Variants in RAP1B observed in about 807,000 individuals in gnomAD.
RAP1B encodes RAP1B, member of RAS oncogene family.
In RAP1B, 1 loss-of-function variant was observed where a neutral mutation model predicts 27.5. The ratio of observed to expected loss-of-function variants is 0.04; its 90% CI spans 0.01 to 0.17. The LOEUF (loss-of-function observed/expected upper bound fraction) is 0.17, where lower values mean the gene tolerates loss of function less well. Ranked by LOEUF, RAP1B falls within the 10% of genes least tolerant of loss-of-function variation. The pLI is 1.00. For synonymous variants in RAP1B, 75 were observed against 73.1 expected, an observed-to-expected ratio of 1.03 and a Z score of -0.13; for missense variants, 84 against 214.8, an observed-to-expected ratio of 0.39 and a Z score of 3.81.
intron 4 of RAP1B, among the ~76,000 whole-genome samples, chr12:68,653,719 G>C (rs1295806598): frequency 6.6e-6 from 1 of 152,068 alleles, no homozygotes; most frequent in Non-Finnish European, 1.5e-5. Context: ...ACAAGGTCAG[G>C]AGATGGAGAT....
chr12:68,671,797 TAAA>T lies in RAP1B; in HGVS notation c.*12556_*12558del, dbSNP rs146322011. ...CAAGTAAATAACATTTTCTGGAATA[TAAA>T]AAAAAAAGCTATATGAATGTCATCA... On this transcript the variant is annotated 3_prime_UTR_variant, in exon 8 of 8. Coordinates refer to ENST00000250559, the MANE Select transcript of RAP1B (RefSeq NM_001010942.3). 6.9e-6 allele frequency: 1 copy of T among 145,906 alleles called. No homozygotes were observed. Among genetic ancestry groups the T allele is most frequent in the Admixed American group, 6.8e-5 (1 of 14,614 alleles). The allele number at this position is 145,906 out of a possible 1,614,324, so 9.0% of individuals were successfully genotyped here. A position where few individuals can be genotyped will look rare whatever the true frequency, so the allele number is the denominator to read the frequency against.
chr12:68,617,320 C>G (rs1871097507), intron 1 of RAP1B, among the ~76,000 whole-genome samples: 1 of 152,142 alleles, frequency 6.6e-6, no homozygotes, highest in Non-Finnish European at 1.5e-5. Flanking sequence ...TACATTGTGC[C>G]AACATATTTG....
intron 1 of RAP1B, among the ~76,000 whole-genome samples, chr12:68,612,832 T>C (rs905219617): frequency 6.6e-6 from 1 of 152,360 alleles, no homozygotes; most frequent in African/African-American, 2.4e-5. Flanking sequence ...TTTAGTCTTA[T>C]TTGAGCTCAT....
At chr12:68,626,026 G>GGA (rs1409724106) in intron 1 of RAP1B, among the ~76,000 whole-genome samples, 4 of 151,976 alleles carry the variant, frequency 2.6e-5, no homozygotes, top group African/African-American at 9.7e-5. Context: ...ATATTTTTCT[G>GGA]AGCCATTTGT....
intron 5 of RAP1B, among the ~76,000 whole-genome samples, chr12:68,654,895 C>T (rs941921502): frequency 1.3e-5 from 2 of 152,134 alleles, no homozygotes; most frequent in Admixed American, 6.5e-5. Flanking sequence ...CCTGTAGGAC[C>T]AGTTAAAACA....
At chr12:68,656,886 C>T (rs558383028) in intron 6 of RAP1B, among the ~76,000 whole-genome samples, 1 of 152,278 alleles carries the variant, frequency 6.6e-6, no homozygotes, top group South Asian at 2.1e-4. Context: ...ATCTCTGCAG[C>T]TCCTTCAACT....
intron 1 of RAP1B, among the ~76,000 whole-genome samples, chr12:68,633,869 C>CAA (rs552996293): frequency 2.9e-4 from 44 of 151,778 alleles, no homozygotes; most frequent in African/African-American, 9.9e-4. Flanking sequence ...GACTCTGTCT[C>CAA]AAAAAAACAA....
chr12:68,648,661 T>C (rs1441916248), intron 1 of RAP1B, 38 bp from the exon 2 acceptor site: 9 of 1,472,766 alleles, frequency 6.1e-6, no homozygotes, highest in Non-Finnish European at 8.4e-6. Context: ...AATACACAAC[T>C]TTACTTAGAA....
chr12:68,642,882 G>T lies in RAP1B; in HGVS notation c.-26-5817G>T, dbSNP rs1198156676. On this transcript the variant is annotated intron_variant, in intron 1 of 7. Coordinates refer to ENST00000250559, the MANE Select transcript of RAP1B (RefSeq NM_001010942.3). Reference sequence around the variant, plus strand: ...GGTAAAGCAGCCAACCTGGAGGTGAGGGTCTCATTCCAGGATTTCAGGAAA... The same window carrying T: ...GGTAAAGCAGCCAACCTGGAGGTGATGGTCTCATTCCAGGATTTCAGGAAA... 6.1e-6 allele frequency: 6 copies of T among 979,022 alleles called. No individual in the cohort carries two copies. In the Admixed American group the frequency reaches 8.4e-5, roughly 14 times the overall value. The allele number at this position is 979,022 out of a possible 1,614,324, so 60.6% of individuals were successfully genotyped here.
chr12:68,651,883 A>C (rs529216035), intron 3 of RAP1B, 112 bp from the exon 4 acceptor site: 1 of 755,274 alleles, frequency 1.3e-6, no homozygotes, highest in East Asian at 2.7e-5. Context: ...ATTAGTTTGT[A>C]AAGTTGTTAA....
chr12:68,644,808 C>A (rs1243281860), intron 1 of RAP1B, among the ~76,000 whole-genome samples: 2 of 150,556 alleles, frequency 1.3e-5, no homozygotes, highest in Non-Finnish European at 3.0e-5. Flanking sequence ...CCTGCCTCAG[C>A]CTTCCGAGTA....
At chr12:68,651,054 G>GA (rs1873781685) in intron 3 of RAP1B, among the ~76,000 whole-genome samples, 2 of 152,174 alleles carry the variant, frequency 1.3e-5, no homozygotes, top group Admixed American at 1.3e-4. Context: ...TCTTATGCAT[G>GA]ATACAAAGTT....
chr12:68,651,880 T>A (rs1485478231), intron 3 of RAP1B, 115 bp from the exon 4 acceptor site: 1 of 737,772 alleles, frequency 1.4e-6, no homozygotes, highest in South Asian at 1.9e-5. Context: ...GATATTAGTT[T>A]GTAAAGTTGT....
intron 1 of RAP1B, among the ~76,000 whole-genome samples, chr12:68,638,218 T>TTA (rs1003618259): frequency 6.6e-6 from 1 of 152,200 alleles, no homozygotes; most frequent in African/African-American, 2.4e-5. Context: ...TAACTTCTTT[T>TTA]TATATTTTAC....
rs1409918354 is a variant in RAP1B at position 68,661,484 on chromosome 12, G to A, written c.*2235G>A. Reference sequence around the variant, plus strand: ...GGCCTAAGGATGTAGCAGCAACCAAGATCAACTATAAAATGCTGCCCTCCT... The same window carrying A: ...GGCCTAAGGATGTAGCAGCAACCAAAATCAACTATAAAATGCTGCCCTCCT... On this transcript the variant is annotated 3_prime_UTR_variant, in exon 8 of 8. Coordinates refer to ENST00000250559, the MANE Select transcript of RAP1B (RefSeq NM_001010942.3). The A allele has an allele frequency of 6.6e-6, 1 of 152,096 alleles. No homozygotes were observed. The highest frequency in any genetic ancestry group is 1.5e-5 in the Non-Finnish European group (1 of 68,016). 9.4% of individuals were successfully genotyped at this position (152,096 alleles called of 1,614,324 possible).
rs1459195061 is a variant in RAP1B at position 68,659,764 on chromosome 12, G to A, written c.*515G>A. The A allele has an allele frequency of 3.3e-5, 5 of 152,192 alleles. No individual in the cohort carries two copies. The highest frequency in any genetic ancestry group is 5.9e-5 in the Non-Finnish European group (4 of 68,008). The allele number at this position is 152,192 out of a possible 1,614,324, so 9.4% of individuals were successfully genotyped here. On this transcript the variant is annotated 3_prime_UTR_variant, in exon 8 of 8. Transcript: ENST00000250559. The stretch of plus-strand genomic sequence containing the variant: ...GTCATTATTATTGTACAAAATAAGC[G>A]CTTTGATTAACACAGCTATATAGTT...
At chr12:68,628,567 G>A (rs942014251) in intron 1 of RAP1B, among the ~76,000 whole-genome samples, 1 of 152,176 alleles carries the variant, frequency 6.6e-6, no homozygotes, top group Non-Finnish European at 1.5e-5. Flanking sequence ...GGATATTTAT[G>A]TGAAGAAAAT....
intron 4 of RAP1B, 103 bp from the exon 5 acceptor site, chr12:68,654,009 T>G (rs1245792943): frequency 1.0e-6 from 1 of 957,354 alleles, no homozygotes; most frequent in Non-Finnish European, 1.6e-6. Context: ...AGTTACATAA[T>G]ACTACAGTAT....
At chr12:68,616,736 G>T (rs573568083) in intron 1 of RAP1B, among the ~76,000 whole-genome samples, 8 of 151,872 alleles carry the variant, frequency 5.3e-5, no homozygotes, top group Non-Finnish European at 1.0e-4. Flanking sequence ...GCCCGGCCAG[G>T]TTTTGTATTT....
Sources: allele counts gnomAD v4.1 joint callset (sites outside exome capture counted in the v4.1 genomes callset), GRCh38; gene constraint gnomAD v4.1.1; transcripts MANE v1.5; gene names NCBI Gene and HGNC (gene_info 2026-07-23, HGNC 2026-07-21).